SWT1: variants seen among roughly 807,000 people sequenced by gnomAD.
SWT1 encodes the protein SWT1 RNA endoribonuclease homolog, also known as transcriptional protein SWT1.
In SWT1, 33 loss-of-function variants were observed where a neutral mutation model predicts 107.3. The observed-to-expected ratio is 0.31, with a 90% CI of 0.23 to 0.41. The LOEUF (loss-of-function observed/expected upper bound fraction) is 0.41, where lower values mean the gene tolerates loss of function less well. SWT1 is among the 10% of genes least tolerant of loss of function. SWT1 has a pLI of 1.00. For synonymous variants in SWT1, 345 were observed against 348.3 expected, an observed-to-expected ratio of 0.99 and a Z score of 0.11; for missense variants, 898 against 1,028.9, an observed-to-expected ratio of 0.87 and a Z score of 1.74.
At chr1:185,191,419 A>G (rs1656940164) in intron 10 of SWT1, among the ~76,000 whole-genome samples, 1 of 152,120 alleles carries the variant, frequency 6.6e-6, no homozygotes, top group East Asian at 1.9e-4. Context: ...ATGCTTTGAA[A>G]CTTGCAGTTT....
intron 10 of SWT1, among the ~76,000 whole-genome samples, chr1:185,195,053 G>A (rs1302107953): frequency 2.6e-5 from 4 of 151,932 alleles, no homozygotes; most frequent in Non-Finnish European, 5.9e-5. Flanking sequence ...GAACGTGCAG[G>A]TTTGTTACAT....
intron 5 of SWT1, among the ~76,000 whole-genome samples, chr1:185,178,410 C>T (rs184298205): frequency 6.6e-6 from 1 of 152,198 alleles, no homozygotes; most frequent in East Asian, 1.9e-4. Context: ...GCCACTGAAC[C>T]ACAGTCAGGG....
intron 5 of SWT1, among the ~76,000 whole-genome samples, chr1:185,178,929 C>T (rs1021740588): frequency 2.0e-5 from 3 of 152,108 alleles, no homozygotes; most frequent in African/African-American, 7.2e-5. Flanking sequence ...AAAGTTCAGG[C>T]GGAAGCTGAA....
intron 14 of SWT1, among the ~76,000 whole-genome samples, chr1:185,221,122 T>C (rs1659625959): frequency 6.6e-6 from 1 of 152,090 alleles, no homozygotes; most frequent in Non-Finnish European, 1.5e-5. Context: ...TCCTATTTAT[T>C]TGTATCATTC....
intron 16 of SWT1, among the ~76,000 whole-genome samples, chr1:185,233,201 A>G (rs1046413161): frequency 1.3e-5 from 2 of 152,164 alleles, no homozygotes; most frequent in Non-Finnish European, 2.9e-5. Flanking sequence ...GTGGCAGACT[A>G]TAATCACCTG....
intron 17 of SWT1, among the ~76,000 whole-genome samples, chr1:185,272,463 T>G (rs1442363275): frequency 6.6e-6 from 1 of 152,202 alleles, no homozygotes; most frequent in Non-Finnish European, 1.5e-5. Flanking sequence ...ATTTCTTCAC[T>G]TTTATTCCTG....
chr1:185,252,476 A>G (rs573536498), intron 16 of SWT1, among the ~76,000 whole-genome samples: 1 of 152,326 alleles, frequency 6.6e-6, no homozygotes, highest in East Asian at 1.9e-4. Flanking sequence ...TTGCCATTCT[A>G]ACTGGTGTGA....
At position 185,174,693 on chromosome 1, in the gene SWT1, G is replaced by T. The variant is rs146489629; in HGVS notation, c.546G>T (p.Lys182Asn). ...CTCATTTACTTGTTCAGAGAGAGAA[G>T]ATGAAAGAACTCAAGAAAGGAAGAA... ...KWSHLLVQRE[K>N]MKELKKGRNS... The change falls in exon 5 of 19, where the codon AAG becomes AAT. Residue 182 changes from lysine (K) to asparagine (N), a missense_variant. Around this residue, in one of 6 missense-constraint regions of SWT1, gnomAD observed 382 missense variants for 362.4 expected, o/e 1.05. Coordinates refer to ENST00000367500, the MANE Select transcript of SWT1 (RefSeq NM_017673.7). 902 of 1,613,666 alleles carry T rather than the reference G, an allele frequency of 5.6e-4. 5 individuals are homozygous for T. The African/African-American group carries it at 0.011, about 20-fold the overall frequency.
rs565263191 is a variant in SWT1 at position 185,243,063 on chromosome 1, G to A, written c.2441+11355G>A. ...CTTACAAAGCAGTTATATAAAAGGCGTAAAGGTAGAGTATACCCTATACTC... is the reference window on the plus strand; with the variant it reads ...CTTACAAAGCAGTTATATAAAAGGCATAAAGGTAGAGTATACCCTATACTC... On this transcript the variant is annotated intron_variant, in intron 16 of 18. Coordinates refer to ENST00000367500, the MANE Select transcript of SWT1 (RefSeq NM_017673.7). 3.3e-4 allele frequency among the ~76,000 whole-genome samples: 51 copies of A among 152,278 alleles called. 3 individuals carry two copies. In the South Asian group the frequency reaches 7.5e-3, roughly 22 times the overall value.
intron 3 of SWT1, among the ~76,000 whole-genome samples, chr1:185,167,917 A>G (rs1654721719): frequency 6.6e-6 from 1 of 152,036 alleles, no homozygotes. Context: ...TTTGACACTT[A>G]CTTACATCAT....
At chr1:185,181,038 C>T (rs1287039175) in intron 6 of SWT1, among the ~76,000 whole-genome samples, 4 of 152,134 alleles carry the variant, frequency 2.6e-5, no homozygotes, top group South Asian at 2.1e-4. Context: ...GAGGCCAAGG[C>T]GGGTGGAGTA....
intron 15 of SWT1, 115 bp from the exon 16 acceptor site, chr1:185,231,462 C>A: frequency 1.3e-6 from 1 of 773,000 alleles, no homozygotes; most frequent in South Asian, 1.6e-5. Flanking sequence ...GATCAGCATT[C>A]TGAGAGATTA....
chr1:185,237,881 T>A (rs375421762), intron 16 of SWT1, among the ~76,000 whole-genome samples: 1 of 152,058 alleles, frequency 6.6e-6, no homozygotes. Flanking sequence ...AATAATTACT[T>A]GAATTTTAAG....
chr1:185,198,290 G>T (rs1463153183), intron 10 of SWT1, among the ~76,000 whole-genome samples: 1 of 152,216 alleles, frequency 6.6e-6, no homozygotes, highest in Admixed American at 6.5e-5. Flanking sequence ...TGATTACACT[G>T]TGGTCTGAGA....
At chr1:185,225,726 A>G (rs1267575105) in intron 15 of SWT1, among the ~76,000 whole-genome samples, 2 of 152,138 alleles carry the variant, frequency 1.3e-5, no homozygotes, top group Non-Finnish European at 2.9e-5. Flanking sequence ...ATGTAAATAC[A>G]CTCTAAGATG....
chr1:185,190,614 T>G lies in SWT1; in HGVS notation c.1495T>G (p.Phe499Val), dbSNP rs1479508940. The stretch of plus-strand genomic sequence containing the variant: ...ATGCTGTCTCCAGCACCAGGAATTA[T>G]TCCCTTGTTCTTTTGTTATTCTGTG... ...LKCCLQHQEL[F>V]PCSFVILCTD... The change falls in exon 10 of 19, where the codon TTC becomes GTC. Residue 499 changes from phenylalanine (F) to valine (V), a missense_variant. Around this residue, in one of 6 missense-constraint regions of SWT1, gnomAD observed 382 missense variants for 460.0 expected, o/e 0.83. Coordinates refer to ENST00000367500, the MANE Select transcript of SWT1 (RefSeq NM_017673.7). The G allele has an allele frequency of 2.5e-6, 4 of 1,608,874 alleles. No homozygotes were observed. Among genetic ancestry groups the G allele is most frequent in the African/African-American group, 1.3e-5 (1 of 74,924 alleles).
In SWT1 at chr1:185,206,643, C is replaced by T; in HGVS notation, c.1852C>T (p.Pro618Ser). ...TCTTTAGATCCTGTACCTGAAACCA[C>T]CATGGACTCTACTACATTTACTACA... ...LWMEILYLKP[P>S]WTLLHLLQCF... The change falls in exon 13 of 19, where the codon CCA becomes TCA. Residue 618 changes from proline to serine, a missense_variant. Physicochemically the swap from Pro to Ser is moderately conservative, Grantham distance 74. This residue lies in a region of SWT1 where 382 missense variants were observed against 460.0 expected (regional missense o/e 0.83). Transcript: ENST00000367500. The T allele has an allele frequency of 6.3e-7, 1 of 1,583,530 alleles. No homozygotes were observed. Among genetic ancestry groups the T allele is most frequent in the Non-Finnish European group, 8.6e-7 (1 of 1,166,714 alleles).
At chr1:185,160,951 G>A (rs371274912) in intron 2 of SWT1, 26 bp downstream of exon 2, 86 of 1,501,690 alleles carry the variant, frequency 5.7e-5, no homozygotes, top group Non-Finnish European at 7.7e-5. Context: ...TACTGACCTA[G>A]AGATACATTT....
At chr1:185,280,881 C>A in intron 18 of SWT1, 1 of 462,934 alleles carries the variant, frequency 2.2e-6, no homozygotes, top group Non-Finnish European at 4.4e-6. Flanking sequence ...GTGGTCTACC[C>A]CCTGTTGCTT....
Sources: allele counts gnomAD v4.1 joint callset (sites outside exome capture counted in the v4.1 genomes callset), GRCh38; gene constraint gnomAD v4.1.1; regional missense constraint gnomAD v4.1.1; transcripts MANE v1.5; gene names NCBI Gene and HGNC (gene_info 2026-07-23, HGNC 2026-07-21).